Variants in CAPN8 observed in about 807,000 individuals in gnomAD.
CAPN8 encodes the protein calpain-8.
CAPN8 carries 87 observed loss-of-function variants against 80.9 expected under a neutral mutation model. The observed-to-expected ratio is 1.07, with a 90% CI of 0.90 to 1.28. The LOEUF is 1.28. Ranked by LOEUF, CAPN8 falls within the 50% of genes most tolerant of loss-of-function variation. CAPN8 has a pLI of 0.00. For missense variants in CAPN8, 757 were observed against 702.0 expected (o/e 1.08, Z -0.89); for synonymous variants, 299 against 273.8 (o/e 1.09, Z -0.91).
intron 10 of CAPN8, 49 bp from the exon 11 acceptor site, chr1:223,612,306 C>T (rs1657048695): frequency 1.1e-5 from 13 of 1,232,998 alleles, no homozygotes; most frequent in Non-Finnish European, 1.2e-5. Flanking sequence ...CCAAGGTCCT[C>T]CTTCTGCTCC....
intron 10 of CAPN8, chr1:223,615,743 A>G (rs991620524): frequency 7.5e-6 from 5 of 663,496 alleles, no homozygotes; most frequent in Non-Finnish European, 1.4e-5. Context: ...AGGTTAATGT[A>G]TCACACATCT....
In CAPN8 at chr1:223,623,227, A is replaced by G. The variant is rs1216576156; in HGVS notation, c.814-327T>C. Among the ~76,000 whole-genome samples, 5 of 152,240 alleles carry G rather than the reference A, an allele frequency of 3.3e-5. No individual in the cohort carries two copies. In the East Asian group the frequency reaches 9.6e-4, roughly 29 times the overall value. ...TAATACATGAGACCTAATGATAATA[A>G]ACGCCCTCCAAACAAACACCAAAGC... On this transcript the variant is annotated intron_variant, in intron 6 of 20. Coordinates refer to ENST00000366872, the MANE Select transcript of CAPN8 (RefSeq NM_001143962.2).
intron 6 of CAPN8, among the ~76,000 whole-genome samples, chr1:223,623,910 A>G (rs66612973): frequency 0.75 from 113,432 of 151,032 alleles, 43,562 homozygotes; most frequent in African/African-American, 0.92. Context: ...TGAGGCAGGA[A>G]AATCACTTGA....
intron 13 of CAPN8, among the ~76,000 whole-genome samples, chr1:223,557,697 C>T (rs1656936349): frequency 6.6e-6 from 1 of 152,236 alleles, no homozygotes; most frequent in African/African-American, 2.4e-5. Context: ...TCAGACTACA[C>T]ATACTCAAGT....
At chr1:223,545,097 T>C (rs1339964133) in intron 17 of CAPN8, 134 bp downstream of exon 17, 2 of 1,462,766 alleles carry the variant, frequency 1.4e-6, no homozygotes. Flanking sequence ...TTCTTGTTCC[T>C]TCATGACCAA....
At chr1:223,548,561 A>G (rs1328081286) in intron 16 of CAPN8, among the ~76,000 whole-genome samples, 1 of 152,202 alleles carries the variant, frequency 6.6e-6, no homozygotes, top group Non-Finnish European at 1.5e-5. Flanking sequence ...AAGGAACCCC[A>G]GGAAACTCCC....
chr1:223,646,192 A>G (rs1658187448), intron 2 of CAPN8, among the ~76,000 whole-genome samples: 1 of 152,196 alleles, frequency 6.6e-6, no homozygotes, highest in Admixed American at 6.5e-5. Context: ...TCTGCAAAGG[A>G]CTTGTTAGAT....
intron 20 of CAPN8, among the ~76,000 whole-genome samples, chr1:223,542,181 C>G (rs1461559798): frequency 2.0e-5 from 3 of 150,984 alleles, no homozygotes; most frequent in African/African-American, 7.4e-5. Flanking sequence ...TATATATACA[C>G]TATATATGTG....
intron 2 of CAPN8, among the ~76,000 whole-genome samples, chr1:223,645,119 G>A (rs1312901582): frequency 1.3e-5 from 2 of 152,184 alleles, no homozygotes; most frequent in Admixed American, 1.3e-4. Flanking sequence ...CAAACCACGG[G>A]TGTAAGTCCA....
At chr1:223,551,069 C>T (rs1231763313) in intron 14 of CAPN8, 52 bp from the exon 15 acceptor site, 1 of 712,754 alleles carries the variant, frequency 1.4e-6, no homozygotes. Flanking sequence ...CAAGTTGTTT[C>T]AAGACAGTAA....
At chr1:223,630,692 T>C (rs1657748821) in intron 2 of CAPN8, among the ~76,000 whole-genome samples, 1 of 152,092 alleles carries the variant, frequency 6.6e-6, no homozygotes, top group Non-Finnish European at 1.5e-5. Context: ...CCTGCCTCAC[T>C]CTCTCACCAG....
intron 1 of CAPN8, among the ~76,000 whole-genome samples, chr1:223,655,880 G>GTGGCATCCTGGGCTGCACTGGATGCCC (rs1221673177): frequency 3.3e-5 from 5 of 152,172 alleles, no homozygotes; most frequent in Admixed American, 3.3e-4. Context: ...CATTTAATCG[G>GTGGCATCCTGGGCTGCACTGGATGCCC]TGGCATCCTG....
chr1:223,651,021 C>T (rs1409065096), intron 2 of CAPN8, among the ~76,000 whole-genome samples: 1 of 152,144 alleles, frequency 6.6e-6, no homozygotes, highest in Non-Finnish European at 1.5e-5. Context: ...CTGGAAAAAG[C>T]ACACACAGAC....
chr1:223,634,868 A>C (rs1269046133), intron 2 of CAPN8, among the ~76,000 whole-genome samples: 1 of 152,234 alleles, frequency 6.6e-6, no homozygotes, highest in Non-Finnish European at 1.5e-5. Flanking sequence ...ACAGATACAA[A>C]CATTCAGTGT....
At chr1:223,655,761 G>A (rs952294098) in intron 1 of CAPN8, among the ~76,000 whole-genome samples, 3 of 152,148 alleles carry the variant, frequency 2.0e-5, no homozygotes, top group African/African-American at 7.2e-5. Flanking sequence ...TAGGATGCAG[G>A]AGCAGTCTAC....
intron 13 of CAPN8, 39 bp from the exon 14 acceptor site, chr1:223,553,939 G>A (rs987688596): frequency 5.0e-5 from 20 of 398,488 alleles, no homozygotes; most frequent in South Asian, 1.3e-4. Flanking sequence ...AATGGGAATC[G>A]TCAAGGAGAA....
chr1:223,656,681 GT>G (rs1216588980), intron 1 of CAPN8, among the ~76,000 whole-genome samples: 5 of 85,036 alleles, frequency 5.9e-5, no homozygotes, highest in African/African-American at 1.9e-4. Context: ...TTTTTGTTTT[GT>G]TTTTTTTTTT....
intron 2 of CAPN8, among the ~76,000 whole-genome samples, chr1:223,643,355 A>C (rs1255686853): frequency 6.6e-6 from 1 of 152,258 alleles, no homozygotes; most frequent in African/African-American, 2.4e-5. Flanking sequence ...TTTAAAGTGC[A>C]TCAAATATTC....
chr1:223,548,724 A>T (rs1325854440), intron 16 of CAPN8, among the ~76,000 whole-genome samples: 1 of 152,196 alleles, frequency 6.6e-6, no homozygotes, highest in East Asian at 1.9e-4. Context: ...TTTATAAGCC[A>T]CCCAGTTTAT....
Sources: gnomAD v4.1 joint callset for allele counts (sites outside exome capture counted in the v4.1 genomes callset) on GRCh38, gnomAD v4.1.1 for gene constraint, MANE v1.5 for transcripts, NCBI Gene and HGNC (gene_info 2026-07-23, HGNC 2026-07-21) for gene names.